Variants in PDE4B observed in about 807,000 individuals in gnomAD.
PDE4B encodes 3',5'-cyclic-AMP phosphodiesterase 4B.
In PDE4B, 20 loss-of-function variants were observed where a neutral mutation model predicts 82.2. That is an observed-to-expected ratio of 0.24 (90% CI 0.17 to 0.35). The LOEUF (loss-of-function observed/expected upper bound fraction) is 0.35. PDE4B is among the 10% of genes least tolerant of loss of function. PDE4B has a pLI of 1.00. For missense variants in PDE4B, 655 were observed against 907.2 expected (o/e 0.72, Z 3.57); for synonymous variants, 320 against 318.9 (o/e 1.00, Z -0.04).
intron 3 of PDE4B, among the ~76,000 whole-genome samples, chr1:65,961,775 G>A (rs541782466): frequency 2.8e-4 from 42 of 152,280 alleles, no homozygotes; most frequent in Middle Eastern, 3.4e-3. Flanking sequence ...CTTAGGGAAG[G>A]TGTCATGTTA....
intron 1 of PDE4B, among the ~76,000 whole-genome samples, chr1:65,851,008 G>C (rs1370686693): frequency 6.6e-6 from 1 of 152,138 alleles, no homozygotes; most frequent in Non-Finnish European, 1.5e-5. Context: ...TCACATGTAT[G>C]TGAATATGAG....
At chr1:66,171,077 A>G (rs1010536281) in intron 3 of PDE4B, among the ~76,000 whole-genome samples, 1 of 152,152 alleles carries the variant, frequency 6.6e-6, no homozygotes, top group African/African-American at 2.4e-5. Context: ...AAAGCAAAGC[A>G]CTCTTAATTA....
intron 3 of PDE4B, among the ~76,000 whole-genome samples, chr1:66,195,172 C>G (rs566954): frequency 0.73 from 110,889 of 151,984 alleles, 40,898 homozygotes; most frequent in Non-Finnish European, 0.77. Flanking sequence ...GAATGACAAG[C>G]GAACTCAGAT....
At chr1:66,268,215 T>C (rs1448879706) in intron 7 of PDE4B, among the ~76,000 whole-genome samples, 4 of 152,236 alleles carry the variant, frequency 2.6e-5, no homozygotes, top group African/African-American at 9.6e-5. Context: ...ATACCAAATC[T>C]TAAAATGCTT....
At chr1:66,344,478 A>G (rs1007499402) in intron 8 of PDE4B, among the ~76,000 whole-genome samples, 8 of 152,184 alleles carry the variant, frequency 5.3e-5, no homozygotes, top group Non-Finnish European at 5.9e-5. Context: ...TTTCTTTTAC[A>G]TATTTAAAGT....
At chr1:66,273,053 G>A (rs1655626963) in intron 7 of PDE4B, among the ~76,000 whole-genome samples, 1 of 152,136 alleles carries the variant, frequency 6.6e-6, no homozygotes, top group South Asian at 2.1e-4. Flanking sequence ...GCCTCCCAAA[G>A]TAGAACTATT....
chr1:66,053,545 G>A (rs974525260), intron 3 of PDE4B, among the ~76,000 whole-genome samples: 2 of 152,124 alleles, frequency 1.3e-5, no homozygotes, highest in African/African-American at 2.4e-5. Flanking sequence ...ACCTGGCCAA[G>A]GTCACACAGT....
chr1:65,801,184 A>G (rs1413785980), intron 1 of PDE4B, among the ~76,000 whole-genome samples: 1 of 152,162 alleles, frequency 6.6e-6, no homozygotes, highest in Non-Finnish European at 1.5e-5. Context: ...GCCATCTTGC[A>G]AGGATGAGGA....
In PDE4B at chr1:66,106,428, G is replaced by C. The variant is rs576258565; in HGVS notation, c.282-141032G>C. On this transcript the variant is annotated intron_variant, in intron 3 of 16. Coordinates refer to ENST00000341517, the MANE Select transcript of PDE4B (RefSeq NM_002600.4). ...TTTAGTTGTGTCTCTGCCAGGCTTT[G>C]GTATCAGGATGATGCTGGCCTCATA... 1.1e-4 allele frequency among the ~76,000 whole-genome samples: 16 copies of C among 152,128 alleles called. No homozygotes were observed. In the South Asian group the frequency reaches 3.3e-3, roughly 32 times the overall value.
intron 3 of PDE4B, among the ~76,000 whole-genome samples, chr1:65,946,971 T>C (rs930028131): frequency 5.9e-5 from 9 of 152,042 alleles, no homozygotes; most frequent in Non-Finnish European, 1.2e-4. Context: ...CTCAGAACAC[T>C]CGGACCCTAA....
chr1:65,964,501 A>G (rs372559128), intron 3 of PDE4B, among the ~76,000 whole-genome samples: 11 of 152,336 alleles, frequency 7.2e-5, no homozygotes, highest in Admixed American at 6.5e-4. Context: ...GTGAAAATCA[A>G]TTCACCAGAA....
intron 3 of PDE4B, among the ~76,000 whole-genome samples, chr1:66,216,848 C>G (rs907032481): frequency 3.3e-5 from 5 of 152,060 alleles, no homozygotes; most frequent in African/African-American, 1.2e-4. Flanking sequence ...TTGCCAAATT[C>G]TTTTCTGGAC....
chr1:65,871,386 C>T (rs974479218), intron 1 of PDE4B, among the ~76,000 whole-genome samples: 1 of 152,174 alleles, frequency 6.6e-6, no homozygotes, highest in Non-Finnish European at 1.5e-5. Context: ...GTTGACTTAA[C>T]TTACAGCATG....
At chr1:66,234,687 C>CT (rs555920420) in intron 3 of PDE4B, among the ~76,000 whole-genome samples, 6 of 151,194 alleles carry the variant, frequency 4.0e-5, no homozygotes, top group South Asian at 2.1e-4. Context: ...TGTATCTCTT[C>CT]TTTTTTTTTC....
At chr1:65,799,571 T>G (rs1319000289) in intron 1 of PDE4B, among the ~76,000 whole-genome samples, 1 of 152,176 alleles carries the variant, frequency 6.6e-6, no homozygotes, top group Non-Finnish European at 1.5e-5. Flanking sequence ...CCAGATACTG[T>G]TTTGTGTTAT....
intron 1 of PDE4B, among the ~76,000 whole-genome samples, chr1:65,851,957 C>T (rs1253899302): frequency 6.6e-6 from 1 of 151,948 alleles, no homozygotes; most frequent in Non-Finnish European, 1.5e-5. Flanking sequence ...TAATCAGGAA[C>T]TCTTTTTCTG....
chr1:65,842,221 A>T (rs767688363), intron 1 of PDE4B, among the ~76,000 whole-genome samples: 4 of 152,204 alleles, frequency 2.6e-5, no homozygotes, highest in Non-Finnish European at 5.9e-5. Flanking sequence ...ACACAAAAAA[A>T]CACTAATAAA....
Position 66,368,170 on chromosome 1 carries a change from G to A in PDE4B, c.1662+105G>A, listed in dbSNP as rs12068284. On this transcript the variant is annotated intron_variant, in intron 15 of 16. Transcript: ENST00000341517. Reference sequence around the variant, plus strand: ...TAAATTCAGTTATTGGTATATCCTAGGCTACTCCTATAGCTTAGGGCTTAT... The same window carrying A: ...TAAATTCAGTTATTGGTATATCCTAAGCTACTCCTATAGCTTAGGGCTTAT... 5.8e-3 allele frequency: 6,744 copies of A among 1,160,282 alleles called. 230 individuals are homozygous for A. The African/African-American group carries it at 0.088, about 15-fold the overall frequency. 71.9% of individuals were successfully genotyped at this position (1,160,282 alleles called of 1,614,324 possible). A position where few individuals can be genotyped will look rare whatever the true frequency, so the allele number is the denominator to read the frequency against.
chr1:66,009,931 A>G (rs898352334), intron 3 of PDE4B, among the ~76,000 whole-genome samples: 53 of 146,462 alleles, frequency 3.6e-4, no homozygotes, highest in Middle Eastern at 3.4e-3. Context: ...CTATCTATCT[A>G]TCTATCTATC....
Sources: allele counts gnomAD v4.1 joint callset (sites outside exome capture counted in the v4.1 genomes callset), GRCh38; gene constraint gnomAD v4.1.1; transcripts MANE v1.5; gene names NCBI Gene and HGNC (gene_info 2026-07-23, HGNC 2026-07-21).